The following KLHL1 variants were observed in gnomAD, a reference collection of about 807,000 sequenced individuals.
KLHL1 encodes the protein kelch-like protein 1.
KLHL1 carries 47 observed loss-of-function variants against 77.7 expected under a neutral mutation model. The observed-to-expected ratio is 0.60, with a 90% CI of 0.48 to 0.77. The LOEUF (loss-of-function observed/expected upper bound fraction) is 0.77. Ranked by LOEUF, KLHL1 falls within the 30% of genes least tolerant of loss-of-function variation. KLHL1 has a pLI of 0.00. For missense variants in KLHL1, 925 were observed against 910.8 expected, an observed-to-expected ratio of 1.02 and a Z score of -0.20; for synonymous variants, 360 against 325.2, an observed-to-expected ratio of 1.11 and a Z score of -1.15.
intron 4 of KLHL1, among the ~76,000 whole-genome samples, chr13:69,916,517 A>T (rs867469735): frequency 2.0e-5 from 3 of 151,764 alleles, no homozygotes; most frequent in African/African-American, 7.3e-5. Flanking sequence ...ACATGTTCTC[A>T]CTCATAGGTG....
At chr13:69,840,499 C>A (rs929477862) in intron 5 of KLHL1, among the ~76,000 whole-genome samples, 1 of 151,912 alleles carries the variant, frequency 6.6e-6, no homozygotes, top group Admixed American at 6.6e-5. Flanking sequence ...GCTGGGATTA[C>A]AGGTGTGAGC....
intron 1 of KLHL1, among the ~76,000 whole-genome samples, chr13:70,012,773 T>C (rs1337913611): frequency 1.3e-5 from 2 of 151,762 alleles, no homozygotes; most frequent in Non-Finnish European, 2.9e-5. Context: ...TAGCCAGGCA[T>C]GGTGGTGGGC....
intron 7 of KLHL1, among the ~76,000 whole-genome samples, chr13:69,768,946 A>AATACATTTTTT (rs1875438701): frequency 2.0e-5 from 3 of 152,196 alleles, no homozygotes; most frequent in African/African-American, 7.2e-5. Flanking sequence ...ACTTTCATGT[A>AATACATTTTTT]ATGCAGTTTT....
At chr13:69,724,261 T>A (rs1873200289) in intron 8 of KLHL1, among the ~76,000 whole-genome samples, 1 of 152,068 alleles carries the variant, frequency 6.6e-6, no homozygotes, top group South Asian at 2.1e-4. Context: ...TACGTCTCCA[T>A]AAAATGTATA....
At chr13:69,739,723 A>C (rs1873906874) in intron 8 of KLHL1, among the ~76,000 whole-genome samples, 1 of 152,228 alleles carries the variant, frequency 6.6e-6, no homozygotes, top group African/African-American at 2.4e-5. Flanking sequence ...ATAAGACTGA[A>C]GAGAAAATAA....
At chr13:69,937,532 A>G (rs1015774140) in intron 4 of KLHL1, among the ~76,000 whole-genome samples, 2 of 152,178 alleles carry the variant, frequency 1.3e-5, no homozygotes, top group Admixed American at 6.6e-5. Flanking sequence ...ATTTCATAAT[A>G]TAATCTAAGA....
At chr13:69,928,971 C>A (rs182209112) in intron 4 of KLHL1, among the ~76,000 whole-genome samples, 329 of 152,196 alleles carry the variant, frequency 2.2e-3, no homozygotes, top group Admixed American at 3.5e-3. Flanking sequence ...AATATTTATT[C>A]ATTCTTCACC....
chr13:69,765,284 T>C (rs1875242442), intron 7 of KLHL1, among the ~76,000 whole-genome samples: 2 of 152,094 alleles, frequency 1.3e-5, no homozygotes, highest in South Asian at 4.1e-4. Flanking sequence ...ATGGTAATCT[T>C]AGTTCATTAA....
intron 8 of KLHL1, among the ~76,000 whole-genome samples, chr13:69,734,288 C>T (rs1434700247): frequency 6.6e-6 from 1 of 152,130 alleles, no homozygotes; most frequent in Non-Finnish European, 1.5e-5. Context: ...TTGTAAGTTT[C>T]CTGAGGCCTC....
intron 1 of KLHL1, among the ~76,000 whole-genome samples, chr13:70,060,516 T>G (rs190165726): frequency 2.8e-4 from 41 of 148,418 alleles, no homozygotes; most frequent in African/African-American, 1.0e-3. Flanking sequence ...AAGGAAAACC[T>G]ATTTGTTAAC....
intron 1 of KLHL1, among the ~76,000 whole-genome samples, chr13:70,102,123 A>T (rs1169505004): frequency 6.6e-6 from 1 of 152,118 alleles, no homozygotes; most frequent in African/African-American, 2.4e-5. Context: ...AAAGTTGGTT[A>T]TCCCCTTGAC....
intron 5 of KLHL1, among the ~76,000 whole-genome samples, chr13:69,859,619 G>C (rs1880058339): frequency 6.6e-6 from 1 of 152,022 alleles, no homozygotes; most frequent in Admixed American, 6.6e-5. Flanking sequence ...ATGAATTATT[G>C]TATAAAAGGG....
At chr13:69,827,500 G>A (rs773545182) in intron 6 of KLHL1, among the ~76,000 whole-genome samples, 9 of 152,074 alleles carry the variant, frequency 5.9e-5, no homozygotes, top group Non-Finnish European at 1.2e-4. Context: ...GGGAAGCCAA[G>A]GCGGGTGGAT....
chr13:69,876,110 A>G (rs1196801073), intron 5 of KLHL1, among the ~76,000 whole-genome samples: 9 of 152,158 alleles, frequency 5.9e-5, no homozygotes, highest in Admixed American at 5.9e-4. Flanking sequence ...AACAGTGAGC[A>G]TTTTTGCAGC....
At chr13:70,078,279 T>C (rs1269173467) in intron 1 of KLHL1, among the ~76,000 whole-genome samples, 2 of 151,906 alleles carry the variant, frequency 1.3e-5, no homozygotes, top group Non-Finnish European at 2.9e-5. Context: ...GAAAAGGAGA[T>C]TTAATTTCAT....
At chr13:69,802,686 G>T (rs551531360) in intron 6 of KLHL1, among the ~76,000 whole-genome samples, 12 of 151,072 alleles carry the variant, frequency 7.9e-5, no homozygotes, top group South Asian at 6.2e-4. Flanking sequence ...CCCCAGTCCC[G>T]TACCCCCTGC....
intron 4 of KLHL1, among the ~76,000 whole-genome samples, chr13:69,917,984 C>T (rs904155405): frequency 6.6e-6 from 1 of 152,000 alleles, no homozygotes; most frequent in African/African-American, 2.4e-5. Flanking sequence ...GCACTGATTC[C>T]TAAAATTGAT....
At chr13:69,873,533 G>A (rs1372560966) in intron 5 of KLHL1, among the ~76,000 whole-genome samples, 1 of 152,108 alleles carries the variant, frequency 6.6e-6, no homozygotes, top group Non-Finnish European at 1.5e-5. Context: ...GAATCAATAT[G>A]CTCTAATAAC....
chr13:69,973,047 C>A lies in KLHL1; in HGVS notation c.680+2573G>T, dbSNP rs553304135. 7.8e-4 allele frequency among the ~76,000 whole-genome samples: 118 copies of A among 151,934 alleles called. 1 individual carries two copies. Among genetic ancestry groups the A allele is most frequent in the African/African-American group, 2.3e-3 (97 of 41,526 alleles). On this transcript the variant is annotated intron_variant, in intron 2 of 10. Coordinates refer to ENST00000377844, the MANE Select transcript of KLHL1 (RefSeq NM_020866.3). ...ATTCCTCTTAGGATTTCCTTCAAGGCCTAAAGCACAAATGAGTTCAGAATT... is the reference window on the plus strand; with the variant it reads ...ATTCCTCTTAGGATTTCCTTCAAGGACTAAAGCACAAATGAGTTCAGAATT...
Sources: allele counts gnomAD v4.1 joint callset (sites outside exome capture counted in the v4.1 genomes callset), GRCh38; gene constraint gnomAD v4.1.1; transcripts MANE v1.5; gene names NCBI Gene and HGNC (gene_info 2026-07-23, HGNC 2026-07-21).